MSI2: variants seen among roughly 807,000 people sequenced by gnomAD.
The protein encoded by MSI2 is musashi RNA binding protein 2.
In MSI2, 17 loss-of-function variants were observed where a neutral mutation model predicts 45.6. That is an observed-to-expected ratio of 0.37 (90% CI 0.26 to 0.56). The LOEUF (loss-of-function observed/expected upper bound fraction) is 0.56, where lower values mean the gene tolerates loss of function less well. MSI2 is among the 20% of genes least tolerant of loss of function. MSI2 has a pLI of 0.77. For missense variants in MSI2, 293 were observed against 444.2 expected (o/e 0.66, Z 3.06); for synonymous variants, 156 against 158.2 (o/e 0.99, Z 0.11).
chr17:57,285,770 C>A, intron 5 of MSI2: 1 of 1,214,990 alleles, frequency 8.2e-7, no homozygotes, highest in Non-Finnish European at 1.1e-6. Context: ...ATTTTCTTAG[C>A]AAGCATCATT....
At chr17:57,385,189 A>T (rs1474216474) in intron 5 of MSI2, among the ~76,000 whole-genome samples, 2 of 152,152 alleles carry the variant, frequency 1.3e-5, no homozygotes, top group African/African-American at 4.8e-5. Flanking sequence ...TAAAACACAA[A>T]GCTGGTCATG....
intron 5 of MSI2, among the ~76,000 whole-genome samples, chr17:57,287,494 G>T (rs78153212): frequency 0.016 from 2,421 of 152,284 alleles, 36 homozygotes; most frequent in Middle Eastern, 0.075. Flanking sequence ...GCTCAGTCGC[G>T]GAGTCTTGCA....
intron 5 of MSI2, among the ~76,000 whole-genome samples, chr17:57,325,714 T>A (rs1237933360): frequency 1.3e-5 from 2 of 152,230 alleles, no homozygotes; most frequent in South Asian, 2.1e-4. Context: ...CCTCTGTTCC[T>A]CTGCCTGTCC....
Position 57,611,306 on chromosome 17 carries a change from G to T in MSI2, c.538-4664G>T, listed in dbSNP as rs1279634707. ...TTGTTTTGTTTTAGAGGACCATGGG[G>T]AGCCAGGCAGGCCTGTGTGGGGCTA... On this transcript the variant is annotated intron_variant, in intron 8 of 13. Coordinates refer to ENST00000284073, the MANE Select transcript of MSI2 (RefSeq NM_138962.4). Among the ~76,000 whole-genome samples, 2 of 95,668 alleles carry T rather than the reference G, an allele frequency of 2.1e-5. 1 individual carries two copies. The highest frequency in any genetic ancestry group is 6.5e-5 in the African/African-American group (2 of 30,698). 62.8% of individuals were successfully genotyped at this position (95,668 alleles called of 152,430 possible).
At chr17:57,378,027 A>C (rs900404887) in intron 5 of MSI2, among the ~76,000 whole-genome samples, 2 of 150,872 alleles carry the variant, frequency 1.3e-5, no homozygotes, top group African/African-American at 4.9e-5. Flanking sequence ...GTGAACCGAG[A>C]TTGCACCACT....
At chr17:57,272,768 G>A (rs1908490300) in intron 5 of MSI2, among the ~76,000 whole-genome samples, 1 of 152,086 alleles carries the variant, frequency 6.6e-6, no homozygotes, top group Admixed American at 6.5e-5. Context: ...CCCATTCCTC[G>A]CCATGGCATT....
intron 5 of MSI2, among the ~76,000 whole-genome samples, chr17:57,289,235 G>C (rs998364400): frequency 1.3e-5 from 2 of 152,170 alleles, no homozygotes; most frequent in Non-Finnish European, 2.9e-5. Flanking sequence ...TTAAGTGAAA[G>C]GGCAGGGAGA....
intron 5 of MSI2, among the ~76,000 whole-genome samples, chr17:57,272,806 C>T (rs16958160): frequency 0.032 from 4,943 of 152,140 alleles, 244 homozygotes; most frequent in African/African-American, 0.11. Flanking sequence ...CAGTACTGGG[C>T]GAGTGTTCTG....
At chr17:57,312,435 G>C (rs1373594432) in intron 5 of MSI2, among the ~76,000 whole-genome samples, 2 of 152,170 alleles carry the variant, frequency 1.3e-5, no homozygotes, top group African/African-American at 2.4e-5. Flanking sequence ...AAGGCTGCAG[G>C]CTCCCTGGGG....
chr17:57,534,945 C>G (rs541914274), intron 7 of MSI2, among the ~76,000 whole-genome samples: 5 of 152,182 alleles, frequency 3.3e-5, no homozygotes, highest in Admixed American at 1.3e-4. Flanking sequence ...GTTGCTTTAT[C>G]CTTGTAAAAG....
At chr17:57,311,652 T>A (rs894157009) in intron 5 of MSI2, among the ~76,000 whole-genome samples, 1 of 152,178 alleles carries the variant, frequency 6.6e-6, no homozygotes, top group Non-Finnish European at 1.5e-5. Flanking sequence ...TGGGCTTAAG[T>A]GATCCTTCCC....
At chr17:57,526,100 C>T (rs560262103) in intron 6 of MSI2, among the ~76,000 whole-genome samples, 6 of 152,204 alleles carry the variant, frequency 3.9e-5, no homozygotes, top group African/African-American at 2.4e-5. Context: ...TGGTGCATGC[C>T]TGTAATCCCA....
At chr17:57,502,496 G>C (rs2143874968) in intron 6 of MSI2, among the ~76,000 whole-genome samples, 1 of 151,014 alleles carries the variant, frequency 6.6e-6, no homozygotes, top group South Asian at 2.1e-4. Context: ...TTGTGAAATG[G>C]CCGGCATAGT....
At chr17:57,531,322 G>A (rs763440195) in intron 7 of MSI2, among the ~76,000 whole-genome samples, 20 of 152,314 alleles carry the variant, frequency 1.3e-4, no homozygotes, top group African/African-American at 3.8e-4. Flanking sequence ...AGGATTGCTC[G>A]GAGAGTGTAA....
At chr17:57,590,730 G>A (rs542825303) in intron 7 of MSI2, among the ~76,000 whole-genome samples, 3 of 152,292 alleles carry the variant, frequency 2.0e-5, no homozygotes, top group Admixed American at 1.3e-4. Context: ...TGCAGTTAAG[G>A]TGGGGGCTTT....
intron 5 of MSI2, among the ~76,000 whole-genome samples, chr17:57,371,389 TTGGG>T (rs1441095601): frequency 6.6e-6 from 1 of 152,128 alleles, no homozygotes. Flanking sequence ...TCACAAACAC[TTGGG>T]AAAATTTTGG....
At chr17:57,419,027 G>A (rs2084346518) in intron 6 of MSI2, among the ~76,000 whole-genome samples, 1 of 152,154 alleles carries the variant, frequency 6.6e-6, no homozygotes, top group Non-Finnish European at 1.5e-5. Flanking sequence ...TGGTCACGTG[G>A]GCTGAGGTTC....
chr17:57,608,779 G>C (rs540382076), intron 8 of MSI2, among the ~76,000 whole-genome samples: 2 of 152,328 alleles, frequency 1.3e-5, no homozygotes, highest in East Asian at 3.9e-4. Context: ...TCTGATCAAG[G>C]GCTTGTTTTG....
chr17:57,675,004 G>T lies in MSI2; in HGVS notation c.823G>T (p.Gly275Trp). The T allele has an allele frequency of 6.2e-7, 1 of 1,613,694 alleles. No individual in the cohort carries two copies. The highest frequency in any genetic ancestry group is 8.5e-7 in the Non-Finnish European group (1 of 1,179,880). ...SNPARPGGFPGANSPGPVADL... is the reference protein window; with the variant it reads ...SNPARPGGFPWANSPGPVADL... ...CCCGGCGCGGCCCGGAGGCTTCCCG[G>T]GGGCCAACAGCCCAGGACCTGTCGC... Residue 275 changes from glycine (G) to tryptophan (W), a missense_variant, in exon 12 of 14, where the codon GGG becomes TGG. Physicochemically the swap from Gly to Trp is radical, Grantham distance 184. Transcript: ENST00000284073.
Sources: allele counts gnomAD v4.1 joint callset (sites outside exome capture counted in the v4.1 genomes callset), GRCh38; gene constraint gnomAD v4.1.1; transcripts MANE v1.5; gene names NCBI Gene and HGNC (gene_info 2026-07-23, HGNC 2026-07-21).